CACNB2: variants seen among roughly 807,000 people sequenced by gnomAD.
CACNB2 encodes the protein voltage-dependent L-type calcium channel subunit beta-2.
In CACNB2, 42 loss-of-function variants were observed where a neutral mutation model predicts 73.3. That is an observed-to-expected ratio of 0.57 (90% CI 0.45 to 0.74). The LOEUF (loss-of-function observed/expected upper bound fraction) is 0.74, where lower values mean the gene tolerates loss of function less well. CACNB2 is among the 30% of genes least tolerant of loss of function. The pLI, the probability that CACNB2 is intolerant of heterozygous loss-of-function variation, is 0.00. For missense variants in CACNB2, 940 were observed against 853.0 expected (o/e 1.10, Z -1.27); for synonymous variants, 348 against 310.3 (o/e 1.12, Z -1.28).
chr10:18,405,557 A>G (rs187999156), intron 3 of CACNB2, among the ~76,000 whole-genome samples: 111 of 152,286 alleles, frequency 7.3e-4, no homozygotes, highest in Admixed American at 2.7e-3. Flanking sequence ...TAATTGAAAT[A>G]ATGATTTTCT....
intron 2 of CACNB2, among the ~76,000 whole-genome samples, chr10:18,277,453 T>G (rs1334716333): frequency 6.6e-6 from 1 of 152,236 alleles, no homozygotes; most frequent in East Asian, 1.9e-4. Context: ...TGATCTCTGT[T>G]CTTTTCCGCC....
At chr10:18,352,333 C>A (rs1334465123) in intron 2 of CACNB2, among the ~76,000 whole-genome samples, 1 of 152,174 alleles carries the variant, frequency 6.6e-6, no homozygotes, top group African/African-American at 2.4e-5. Flanking sequence ...ACCAACAGAA[C>A]ATAATTACTT....
chr10:18,346,872 C>T (rs938250232), intron 2 of CACNB2, among the ~76,000 whole-genome samples: 2 of 152,040 alleles, frequency 1.3e-5, no homozygotes, highest in Non-Finnish European at 2.9e-5. Flanking sequence ...GCTGGGATTA[C>T]AGGTGTGAGC....
At chr10:18,379,975 C>T (rs1192662251) in intron 2 of CACNB2, among the ~76,000 whole-genome samples, 1 of 152,188 alleles carries the variant, frequency 6.6e-6, no homozygotes, top group Non-Finnish European at 1.5e-5. Context: ...CTATGAGCCA[C>T]CACACCTGGC....
intron 2 of CACNB2, among the ~76,000 whole-genome samples, chr10:18,392,779 A>T (rs956678654): frequency 2.0e-5 from 3 of 152,126 alleles, no homozygotes; most frequent in Non-Finnish European, 2.9e-5. Flanking sequence ...CTCCCATTTC[A>T]TTGAATTTTC....
At chr10:18,375,531 G>A (rs757770706) in intron 2 of CACNB2, among the ~76,000 whole-genome samples, 1 of 152,160 alleles carries the variant, frequency 6.6e-6, no homozygotes, top group Non-Finnish European at 1.5e-5. Context: ...TTTTCCCTGA[G>A]TAGCCTCTTG....
At chr10:18,213,040 C>T (rs968068541) in intron 2 of CACNB2, among the ~76,000 whole-genome samples, 1 of 152,212 alleles carries the variant, frequency 6.6e-6, no homozygotes, top group South Asian at 2.1e-4. Flanking sequence ...CCCATCTCTA[C>T]AGATAATCAT....
intron 3 of CACNB2, among the ~76,000 whole-genome samples, chr10:18,467,129 A>C (rs532126579): frequency 2.6e-5 from 4 of 152,174 alleles, no homozygotes; most frequent in Non-Finnish European, 4.4e-5. Context: ...ACTACAGCCC[A>C]GGCAACAGAG....
At chr10:18,289,270 C>A (rs2038944624) in intron 2 of CACNB2, among the ~76,000 whole-genome samples, 3 of 141,870 alleles carry the variant, frequency 2.1e-5, no homozygotes, top group Admixed American at 7.2e-5. Flanking sequence ...AAGTTGTCTT[C>A]ATTTTTTTTT....
intron 2 of CACNB2, among the ~76,000 whole-genome samples, chr10:18,320,366 A>T (rs1366513029): frequency 6.6e-6 from 1 of 152,202 alleles, no homozygotes; most frequent in Non-Finnish European, 1.5e-5. Context: ...GTGGTCTATG[A>T]CATAGTTAAG....
chr10:18,263,781 C>T (rs1004582462), intron 2 of CACNB2, among the ~76,000 whole-genome samples: 3 of 152,210 alleles, frequency 2.0e-5, no homozygotes, highest in Admixed American at 2.0e-4. Context: ...TTTAACGTTA[C>T]ATTCAGATTC....
At chr10:18,177,493 TG>T (rs1564319511) in intron 2 of CACNB2, among the ~76,000 whole-genome samples, 1 of 146,344 alleles carries the variant, frequency 6.8e-6, no homozygotes, top group Non-Finnish European at 1.5e-5. Flanking sequence ...TAGCTGGGTG[TG>T]GTGGCAGGCA....
intron 1 of CACNB2, among the ~76,000 whole-genome samples, chr10:18,143,930 C>G (rs2030695668): frequency 6.6e-6 from 1 of 152,228 alleles, no homozygotes. Context: ...TTTGCAAACT[C>G]TGCCATTTTC....
At chr10:18,320,714 G>A (rs781011228) in intron 2 of CACNB2, among the ~76,000 whole-genome samples, 3 of 152,146 alleles carry the variant, frequency 2.0e-5, no homozygotes, top group Non-Finnish European at 2.9e-5. Context: ...ATAAATGCAT[G>A]GAAAGAACTA....
chr10:18,534,240 G>A lies in CACNB2; in HGVS notation c.1206+13G>A. On this transcript the variant is annotated intron_variant, in intron 11 of 13. Transcript: ENST00000324631. ...TTCTTCTCCTAAGGTAAGTAGGACTGCTACTGTTTGCTCTATAATCAAACT... is the reference window on the plus strand; with the variant it reads ...TTCTTCTCCTAAGGTAAGTAGGACTACTACTGTTTGCTCTATAATCAAACT... 1.2e-6 allele frequency: 2 copies of A among 1,600,596 alleles called. No individual in the cohort carries two copies. Among genetic ancestry groups the A allele is most frequent in the Non-Finnish European group, 1.7e-6 (2 of 1,167,774 alleles).
intron 3 of CACNB2, among the ~76,000 whole-genome samples, chr10:18,495,242 A>G (rs1024044267): frequency 6.7e-6 from 1 of 149,332 alleles, no homozygotes; most frequent in African/African-American, 2.5e-5. Flanking sequence ...TTTTAGATAG[A>G]GTCTCACTCT....
intron 2 of CACNB2, among the ~76,000 whole-genome samples, chr10:18,384,190 C>T (rs1281233521): frequency 6.6e-6 from 1 of 152,148 alleles, no homozygotes; most frequent in African/African-American, 2.4e-5. Flanking sequence ...ATAGGACCAG[C>T]ATATGGTGTC....
intron 2 of CACNB2, among the ~76,000 whole-genome samples, chr10:18,201,650 T>C (rs781388988): frequency 6.6e-6 from 1 of 152,192 alleles, no homozygotes; most frequent in Non-Finnish European, 1.5e-5. Context: ...ACATAAAATA[T>C]AGAAATGATC....
At chr10:18,308,764 C>T (rs1299471463) in intron 2 of CACNB2, among the ~76,000 whole-genome samples, 1 of 152,144 alleles carries the variant, frequency 6.6e-6, no homozygotes, top group Admixed American at 6.5e-5. Context: ...AGAAGGCATA[C>T]GGTATGCCTG....
Sources: allele counts gnomAD v4.1 joint callset (sites outside exome capture counted in the v4.1 genomes callset), GRCh38; gene constraint gnomAD v4.1.1; transcripts MANE v1.5; gene names NCBI Gene and HGNC (gene_info 2026-07-23, HGNC 2026-07-21).